PLOD1: variants seen among roughly 807,000 people sequenced by gnomAD.
PLOD1 encodes the protein procollagen-lysine,2-oxoglutarate 5-dioxygenase 1.
In PLOD1, 70 loss-of-function variants were observed where a neutral mutation model predicts 94.7. The ratio of observed to expected loss-of-function variants is 0.74; its 90% CI spans 0.61 to 0.90. The LOEUF is 0.90. PLOD1 is among the 40% of genes least tolerant of loss of function. The pLI, the probability that PLOD1 is intolerant of heterozygous loss-of-function variation, is 0.00. For missense variants in PLOD1, 905 were observed against 972.7 expected, an observed-to-expected ratio of 0.93 and a Z score of 0.93; for synonymous variants, 417 against 400.2, an observed-to-expected ratio of 1.04 and a Z score of -0.50.
intron 5 of PLOD1, 55 bp downstream of exon 5, chr1:11,952,790 TGCACGGGAACA>T: frequency 7.8e-7 from 1 of 1,285,308 alleles, no homozygotes; most frequent in Admixed American, 1.7e-5. Context: ...CCGGCCAGGC[TGCACGGGAACA>T]GCTCCTCTCA....
At position 11,972,765 on chromosome 1, in the gene PLOD1, C is replaced by A; in HGVS notation, c.1903-107C>A. 1.6e-6 allele frequency: 2 copies of A among 1,285,654 alleles called. No individual in the cohort carries two copies. Among genetic ancestry groups the A allele is most frequent in the Non-Finnish European group, 2.3e-6 (2 of 883,968 alleles). The allele number at this position is 1,285,654 out of a possible 1,614,324, so 79.6% of individuals were successfully genotyped here. Reference sequence around the variant, plus strand: ...CCCATGTAGACCTGGCCCCTGTAAGCTGACCTGCAGCAGGCCAGACCAGGC... The same window carrying A: ...CCCATGTAGACCTGGCCCCTGTAAGATGACCTGCAGCAGGCCAGACCAGGC... On this transcript the variant is annotated intron_variant, in intron 17 of 18. Transcript: ENST00000196061. This position sits in a 1 kb window ranked among gnomAD's most constrained non-coding sequence, Gnocchi z 4.6.
intron 13 of PLOD1, among the ~76,000 whole-genome samples, chr1:11,965,139 T>C (rs1645806858): frequency 6.6e-6 from 1 of 151,694 alleles, no homozygotes; most frequent in African/African-American, 2.4e-5. Context: ...CCACCCCATA[T>C]ATTTTTGTGA....
At chr1:11,964,905 TTC>T in intron 13 of PLOD1, 120 bp downstream of exon 13, 2 of 1,113,620 alleles carry the variant, frequency 1.8e-6, no homozygotes, top group Non-Finnish European at 2.6e-6. Flanking sequence ...GCTCCAGAGA[TTC>T]TAGCAGGGCA....
chr1:11,954,014 G>A (rs902705868), intron 5 of PLOD1, among the ~76,000 whole-genome samples: 1 of 151,262 alleles, frequency 6.6e-6, no homozygotes. Context: ...ATAGGCCTGC[G>A]TCACCATGTC....
intron 10 of PLOD1, among the ~76,000 whole-genome samples, chr1:11,961,250 T>C (rs1232500221): frequency 6.6e-6 from 1 of 151,816 alleles, no homozygotes; most frequent in Non-Finnish European, 1.5e-5. Flanking sequence ...CCAAGTGTGG[T>C]GGCTTGAACC....
chr1:11,966,872 C>T (rs1645822300), intron 15 of PLOD1, 115 bp from the exon 16 acceptor site: 1 of 770,568 alleles, frequency 1.3e-6, no homozygotes, highest in African/African-American at 1.7e-5. Context: ...TGACAAGGCC[C>T]TGCTCCCCGG....
In PLOD1 at chr1:11,952,715, T is replaced by A; in HGVS notation, c.559T>A (p.Phe187Ile). The A allele has an allele frequency of 6.2e-7, 1 of 1,612,440 alleles. No homozygotes were observed. The highest frequency in any genetic ancestry group is 1.1e-5 in the South Asian group (1 of 91,062). ...DSDQLFYTKI[F>I]LDPEKREQIN... ...CGATCAGCTGTTTTACACCAAGATCTTCTTGGACCCGGAGAAGAGGGTAAG... is the reference window on the plus strand; with the variant it reads ...CGATCAGCTGTTTTACACCAAGATCATCTTGGACCCGGAGAAGAGGGTAAG... Residue 187 changes from phenylalanine (F) to isoleucine (I), a missense_variant, in exon 5 of 19, where the codon TTC becomes ATC. By Grantham distance (21) the Phe-to-Ile change is conservative (BLOSUM62 0). Transcript: ENST00000196061.
chr1:11,935,674 G>A (rs1004896322), intron 1 of PLOD1, among the ~76,000 whole-genome samples: 2 of 151,352 alleles, frequency 1.3e-5, no homozygotes, highest in African/African-American at 4.9e-5. Context: ...GCCCAGGCTG[G>A]AATGCAGTGG....
rs888346357 is a variant in PLOD1 at position 11,962,966 on chromosome 1, G to A, written c.1098-566G>A. On this transcript the variant is annotated intron_variant, in intron 10 of 18. Transcript: ENST00000196061. ...AGAGGCAGGAGAATCGCTTGAACCC[G>A]GGAGGTGGAGGTTGCAGTGAGCTGA... is the stretch of plus-strand genomic sequence containing the variant. Among the ~76,000 whole-genome samples the A allele has an allele frequency of 7.2e-5, 11 of 152,122 alleles. 1 individual carries two copies. In the Middle Eastern group the frequency reaches 0.01, roughly 141 times the overall value.
At chr1:11,973,590 T>A (rs1470042612) in intron 18 of PLOD1, among the ~76,000 whole-genome samples, 3 of 151,936 alleles carry the variant, frequency 2.0e-5, no homozygotes, top group Non-Finnish European at 4.4e-5. Context: ...CTTTTTTTTT[T>A]CTTTTTCGAG....
rs370053867 is a variant in PLOD1, at chr1:11,974,201, GT to G, written c.2029-439del. On this transcript the variant is annotated intron_variant, in intron 18 of 18. Transcript: ENST00000196061. ...GAGCTCTTGATCACTTACTCTTTGGGTTTTTTTTTTTTTGAGACAGTCTCAT... is the reference window on the plus strand; with the variant it reads ...GAGCTCTTGATCACTTACTCTTTGGGTTTTTTTTTTTTGAGACAGTCTCAT... 3.0e-3 allele frequency among the ~76,000 whole-genome samples: 432 copies of G among 143,628 alleles called. 8 individuals are homozygous for G. In the East Asian group the frequency reaches 0.044, roughly 15 times the overall value. The allele number at this position is 143,628 out of a possible 152,430, so 94.2% of individuals were successfully genotyped here. A position where few individuals can be genotyped will look rare whatever the true frequency, so the allele number is the denominator to read the frequency against.
chr1:11,970,951 C>A, intron 17 of PLOD1, 135 bp downstream of exon 17: 4 of 146,694 alleles, frequency 2.7e-5, no homozygotes, highest in Non-Finnish European at 5.1e-5. Flanking sequence ...GTGTGGGGAG[C>A]GTGGGAGGGG....
rs751944884 is a variant in PLOD1 at position 11,944,592 on chromosome 1, C to T, written c.77-3384C>T. 4 of 1,363,108 alleles carry T rather than the reference C, an allele frequency of 2.9e-6. No individual in the cohort carries two copies. The East Asian group carries it at 1.8e-4, about 62-fold the overall frequency. 84.4% of individuals were successfully genotyped at this position (1,363,108 alleles called of 1,614,324 possible). On this transcript the variant is annotated intron_variant, in intron 1 of 18. Coordinates refer to ENST00000196061, the MANE Select transcript of PLOD1 (RefSeq NM_000302.4). ...TTCACCTGGGGAGAGACTTCACCGTCCTGGCAGGAGCTCGGGGGAGCCCTT... is the reference window on the plus strand; with the variant it reads ...TTCACCTGGGGAGAGACTTCACCGTTCTGGCAGGAGCTCGGGGGAGCCCTT...
At chr1:11,953,307 C>T (rs962827577) in intron 5 of PLOD1, among the ~76,000 whole-genome samples, 4 of 151,862 alleles carry the variant, frequency 2.6e-5, no homozygotes, top group Non-Finnish European at 4.4e-5. Context: ...TTACCCGCCT[C>T]GGCCTCTCAA....
At chr1:11,969,269 G>A (rs936248318) in intron 16 of PLOD1, among the ~76,000 whole-genome samples, 7 of 152,060 alleles carry the variant, frequency 4.6e-5, no homozygotes, top group South Asian at 4.1e-4. Flanking sequence ...GATTACAGGC[G>A]TGAGCCACCG....
chr1:11,949,509 T>A (rs1293389336), intron 2 of PLOD1, among the ~76,000 whole-genome samples: 2 of 151,966 alleles, frequency 1.3e-5, no homozygotes, highest in Admixed American at 1.3e-4. Flanking sequence ...AACCCCCACC[T>A]CCCGGGTTCA....
Position 11,958,380 on chromosome 1 carries a change from C to T in PLOD1, c.844-136C>T, listed in dbSNP as rs1645754213. 5 of 971,100 alleles carry T rather than the reference C, an allele frequency of 5.1e-6. No individual in the cohort carries two copies. In the Admixed American group the frequency reaches 8.0e-5, roughly 16 times the overall value. 60.2% of individuals were successfully genotyped at this position (971,100 alleles called of 1,614,324 possible). A position where few individuals can be genotyped will look rare whatever the true frequency, so the allele number is the denominator to read the frequency against. ...CCCCCCGTACCCCCTGACTGGAGTT[C>T]CCCGGCCCGGGCACCTTTCTTGGGA... On this transcript the variant is annotated intron_variant, in intron 8 of 18. Coordinates refer to ENST00000196061, the MANE Select transcript of PLOD1 (RefSeq NM_000302.4). This position sits in a 1 kb window ranked among gnomAD's most constrained non-coding sequence, Gnocchi z 4.3.
chr1:11,973,477 G>A, intron 18 of PLOD1, among the ~76,000 whole-genome samples: 1 of 152,120 alleles, frequency 6.6e-6, no homozygotes, highest in East Asian at 1.9e-4. Flanking sequence ...TCCAGCCTGG[G>A]CAACAGAGCG....
In PLOD1 at chr1:11,958,789, A is replaced by C. The variant is rs1344369888; in HGVS notation, c.975+142A>C. The C allele has an allele frequency of 2.7e-5, 26 of 964,696 alleles. No homozygotes were observed. The South Asian group carries it at 3.6e-4, about 13-fold the overall frequency. The allele number at this position is 964,696 out of a possible 1,614,324, so 59.8% of individuals were successfully genotyped here. On this transcript the variant is annotated intron_variant, in intron 9 of 18. Transcript: ENST00000196061. The surrounding 1 kb of genome is among the most constrained non-coding windows in gnomAD (Gnocchi z 4.3). ...CAATCACCAGTGGACTGTGTCCCCAAATCACTGAGTTAACTTTGGAGTCAG... is the reference window on the plus strand; with the variant it reads ...CAATCACCAGTGGACTGTGTCCCCACATCACTGAGTTAACTTTGGAGTCAG...
Sources: allele counts gnomAD v4.1 joint callset (sites outside exome capture counted in the v4.1 genomes callset), GRCh38; gene constraint gnomAD v4.1.1; non-coding constraint Gnocchi (gnomAD v3.1); transcripts MANE v1.5; gene names NCBI Gene and HGNC (gene_info 2026-07-23, HGNC 2026-07-21).